KIF26B: variants seen among roughly 807,000 people sequenced by gnomAD.
KIF26B encodes the protein kinesin-like protein KIF26B.
In KIF26B, 63 loss-of-function variants were observed where a neutral mutation model predicts 151.2. The ratio of observed to expected loss-of-function variants is 0.42; its 90% confidence interval spans 0.34 to 0.51. The LOEUF is 0.51. KIF26B is among the 20% of genes least tolerant of loss of function. KIF26B has a pLI of 0.07. For missense variants in KIF26B, 2,813 were observed against 2,913.6 expected, an observed-to-expected ratio of 0.97 and a Z score of 0.79; for synonymous variants, 1,357 against 1,262.1, an observed-to-expected ratio of 1.08 and a Z score of -1.59.
chr1:245,391,655 CAAAAA>C (rs11363343), intron 3 of KIF26B, among the ~76,000 whole-genome samples: 2 of 88,582 alleles, frequency 2.3e-5, no homozygotes, highest in African/African-American at 3.5e-5. Context: ...GACCCTGACT[CAAAAA>C]AAAAAAAAAA....
At chr1:245,237,942 C>G (rs1005483842) in intron 2 of KIF26B, among the ~76,000 whole-genome samples, 5 of 151,706 alleles carry the variant, frequency 3.3e-5, no homozygotes, top group African/African-American at 1.2e-4. Context: ...GGGAGGATCA[C>G]TTGAGCCCCG....
At chr1:245,437,837 C>T (rs1370571442) in intron 4 of KIF26B, among the ~76,000 whole-genome samples, 1 of 152,174 alleles carries the variant, frequency 6.6e-6, no homozygotes, top group Non-Finnish European at 1.5e-5. Flanking sequence ...ACAAGATCTC[C>T]ACCACAGCCG....
At chr1:245,621,302 G>A (rs1045314054) in intron 9 of KIF26B, among the ~76,000 whole-genome samples, 1 of 152,150 alleles carries the variant, frequency 6.6e-6, no homozygotes, top group African/African-American at 2.4e-5. Context: ...ATGAGATCTT[G>A]GGTGATTTAT....
intron 10 of KIF26B, among the ~76,000 whole-genome samples, chr1:245,656,512 G>A (rs1173706204): frequency 6.6e-6 from 1 of 152,216 alleles, no homozygotes; most frequent in Non-Finnish European, 1.5e-5. Flanking sequence ...ATCACAAGTT[G>A]TGTCATAACC....
chr1:245,174,940 G>C (rs1327692518), intron 2 of KIF26B, among the ~76,000 whole-genome samples: 1 of 152,126 alleles, frequency 6.6e-6, no homozygotes, highest in Non-Finnish European at 1.5e-5. Flanking sequence ...ATGGTGTCTG[G>C]CCACAGATGA....
rs747799427 is a variant in KIF26B at position 245,597,057 on chromosome 1, C to T, written c.1351-5520C>T. Among the ~76,000 whole-genome samples the T allele has an allele frequency of 6.6e-6, 1 of 152,102 alleles. No homozygotes were observed. The highest frequency in any genetic ancestry group is 1.5e-5 in the Non-Finnish European group (1 of 68,026). Reference sequence around the variant, plus strand: ...CAGATGGGTCTCCTGAATACAGCACCCTGATGGGTCTTGACTCTTTATCCA... The same window carrying T: ...CAGATGGGTCTCCTGAATACAGCACTCTGATGGGTCTTGACTCTTTATCCA... On this transcript the variant is annotated intron_variant, in intron 5 of 14. Coordinates refer to ENST00000407071, the MANE Select transcript of KIF26B (RefSeq NM_018012.4). This position sits in a 1 kb window ranked among gnomAD's most constrained non-coding sequence, Gnocchi z 4.6.
At chr1:245,575,264 C>T (rs1327831581) in intron 5 of KIF26B, among the ~76,000 whole-genome samples, 2 of 151,830 alleles carry the variant, frequency 1.3e-5, no homozygotes, top group African/African-American at 4.8e-5. Flanking sequence ...CACCTGATGT[C>T]AGGAGTTCGA....
chr1:245,425,205 A>G (rs1756913), intron 4 of KIF26B, among the ~76,000 whole-genome samples: 18,969 of 152,170 alleles, frequency 0.12, 1,520 homozygotes, highest in African/African-American at 0.22. Context: ...AGTATGGAGT[A>G]CATGAAACCC....
intron 9 of KIF26B, among the ~76,000 whole-genome samples, chr1:245,628,635 C>A (rs12116757): frequency 0.091 from 13,792 of 152,142 alleles, 777 homozygotes; most frequent in Admixed American, 0.18. Context: ...ATGACAAACC[C>A]ATAGCCAATA....
intron 4 of KIF26B, among the ~76,000 whole-genome samples, chr1:245,484,689 C>T (rs1456083145): frequency 3.2e-5 from 3 of 92,324 alleles, no homozygotes; most frequent in African/African-American, 9.6e-5. Context: ...GCTGCTTCTC[C>T]TCCTTCTTCT....
chr1:245,538,995 A>G (rs1239780683), intron 4 of KIF26B, among the ~76,000 whole-genome samples: 1 of 152,144 alleles, frequency 6.6e-6, no homozygotes, highest in Non-Finnish European at 1.5e-5. Flanking sequence ...CAGGAAGGGT[A>G]GCAATGAGAT....
intron 2 of KIF26B, among the ~76,000 whole-genome samples, chr1:245,340,986 A>G (rs1048291810): frequency 2.0e-5 from 3 of 152,130 alleles, no homozygotes; most frequent in African/African-American, 7.2e-5. Flanking sequence ...CGTATTTAGG[A>G]GATGGAATTG....
intron 10 of KIF26B, among the ~76,000 whole-genome samples, 172 bp downstream of exon 10, chr1:245,646,452 T>A (rs1004556650): frequency 1.3e-5 from 2 of 152,186 alleles, no homozygotes; most frequent in African/African-American, 2.4e-5. Context: ...ATCTCCCAAA[T>A]TCAAAACTTT....
chr1:245,296,052 T>G (rs1671330756), intron 2 of KIF26B, among the ~76,000 whole-genome samples: 1 of 152,210 alleles, frequency 6.6e-6, no homozygotes, highest in African/African-American at 2.4e-5. Flanking sequence ...CATTAGATGT[T>G]CAGAGTCTGG....
At chr1:245,219,778 A>C (rs1329585873) in intron 2 of KIF26B, among the ~76,000 whole-genome samples, 4 of 152,090 alleles carry the variant, frequency 2.6e-5, no homozygotes, top group Non-Finnish European at 5.9e-5. Context: ...CCAGAACACC[A>C]GGTGTGTCTT....
intron 12 of KIF26B, among the ~76,000 whole-genome samples, chr1:245,694,393 G>A (rs1469683729): frequency 6.6e-6 from 1 of 152,234 alleles, no homozygotes; most frequent in African/African-American, 2.4e-5. Flanking sequence ...TGCAGACAGT[G>A]GGCGATGGAG....
intron 2 of KIF26B, among the ~76,000 whole-genome samples, chr1:245,264,903 A>AC (rs1172093417): frequency 4.7e-5 from 7 of 149,394 alleles, no homozygotes; most frequent in African/African-American, 1.5e-4. Flanking sequence ...AAAAAAAACA[A>AC]AAAAAAAGAG....
chr1:245,202,649 A>C (rs1050407501), intron 2 of KIF26B, among the ~76,000 whole-genome samples: 4 of 151,058 alleles, frequency 2.6e-5, no homozygotes. Context: ...AGTCCCAGCT[A>C]CTCAGGAGGC....
In KIF26B at chr1:245,488,610, G is replaced by A. The variant is rs2103072725; in HGVS notation, c.1167-52157G>A. On this transcript the variant is annotated intron_variant, in intron 4 of 14. Transcript: ENST00000407071. This position sits in a 1 kb window ranked among gnomAD's most constrained non-coding sequence, Gnocchi z 4.6. ...CTGGAATTAGATCGGAGCCACAGAT[G>A]CTATCACTCCTCTGCCGTGGCCCCA... is the stretch of plus-strand genomic sequence containing the variant. 6.6e-6 allele frequency among the ~76,000 whole-genome samples: 1 copy of A among 152,294 alleles called. No individual in the cohort carries two copies. The highest frequency in any genetic ancestry group is 2.1e-4 in the South Asian group (1 of 4,828).
Sources: allele counts gnomAD v4.1 joint callset (sites outside exome capture counted in the v4.1 genomes callset), GRCh38; gene constraint gnomAD v4.1.1; non-coding constraint Gnocchi (gnomAD v3.1); transcripts MANE v1.5; gene names NCBI Gene and HGNC (gene_info 2026-07-23, HGNC 2026-07-21).